Variants in DNAH6 observed in about 807,000 individuals in gnomAD.
The protein encoded by DNAH6 is dynein axonemal heavy chain 6, also known as axonemal beta dynein heavy chain 6.
In DNAH6, 340 loss-of-function variants were observed where a neutral mutation model predicts 491.4. The observed-to-expected ratio is 0.69, with a 90% confidence interval of 0.63 to 0.76. The LOEUF (loss-of-function observed/expected upper bound fraction) is 0.76. Among genes scored for constraint, DNAH6 ranks in the 30% least tolerant of loss-of-function variants. The pLI, the probability that DNAH6 is intolerant of heterozygous loss-of-function variation, is 0.00. For synonymous variants in DNAH6, 1,603 were observed against 1,686.1 expected, an observed-to-expected ratio of 0.95 and a Z score of 1.21; for missense variants, 4,443 against 4,972.2, an observed-to-expected ratio of 0.89 and a Z score of 3.20.
chr2:84,689,235 A>AT (rs1212909255), intron 45 of DNAH6, among the ~76,000 whole-genome samples: 1 of 152,248 alleles, frequency 6.6e-6, no homozygotes, highest in Non-Finnish European at 1.5e-5. Flanking sequence ...GTATGAAACC[A>AT]TGATATGGAG....
chr2:84,726,543 C>G (rs1313727660), intron 60 of DNAH6, among the ~76,000 whole-genome samples: 3 of 152,056 alleles, frequency 2.0e-5, no homozygotes, highest in African/African-American at 7.2e-5. Flanking sequence ...GACAAAAAAC[C>G]AAACACTGCA....
At chr2:84,664,535 A>G (rs1431437295) in intron 37 of DNAH6, among the ~76,000 whole-genome samples, 1 of 152,230 alleles carries the variant, frequency 6.6e-6, no homozygotes, top group East Asian at 1.9e-4. Context: ...GGATCAATTC[A>G]ACAAGAAGAG....
chr2:84,480,097 A>G, the DNAH6 span, among the ~76,000 whole-genome samples: 2 of 152,230 alleles, frequency 1.3e-5, no homozygotes, highest in African/African-American at 4.8e-5. Flanking sequence ...GAGTTATTCT[A>G]TACAAAGATG....
At chr2:84,672,937 A>AT (rs1311004328) in intron 40 of DNAH6, among the ~76,000 whole-genome samples, 1 of 152,132 alleles carries the variant, frequency 6.6e-6, no homozygotes, top group Admixed American at 6.5e-5. Flanking sequence ...AATTCAGTGT[A>AT]TTCAGTCTAT....
the DNAH6 span, among the ~76,000 whole-genome samples, chr2:84,497,623 T>G: frequency 6.6e-6 from 1 of 152,198 alleles, no homozygotes; most frequent in African/African-American, 2.4e-5. Context: ...TGCCGTAGGA[T>G]TCTCTGTCAT....
intron 36 of DNAH6, among the ~76,000 whole-genome samples, chr2:84,658,800 T>C (rs1223733665): frequency 6.6e-6 from 1 of 152,094 alleles, no homozygotes; most frequent in African/African-American, 2.4e-5. Context: ...GGACTTTTTT[T>C]CCCTACATAT....
intron 62 of DNAH6, among the ~76,000 whole-genome samples, chr2:84,741,320 A>G (rs1224135854): frequency 2.6e-5 from 4 of 152,160 alleles, no homozygotes; most frequent in Admixed American, 1.3e-4. Flanking sequence ...GGCAGGCAGC[A>G]TGATCAAGAA....
At chr2:84,727,468 G>C (rs1698742933) in intron 60 of DNAH6, among the ~76,000 whole-genome samples, 1 of 152,066 alleles carries the variant, frequency 6.6e-6, no homozygotes, top group African/African-American at 2.4e-5. Context: ...ATGCAAGATT[G>C]TTCATAATTC....
chr2:84,791,697 T>C (rs1228722264), intron 68 of DNAH6, among the ~76,000 whole-genome samples: 1 of 150,378 alleles, frequency 6.6e-6, no homozygotes, highest in Admixed American at 6.6e-5. Flanking sequence ...CAATATATAT[T>C]CTTTTATATA....
chr2:84,766,428 G>A (rs571303570), intron 64 of DNAH6, among the ~76,000 whole-genome samples: 9 of 152,226 alleles, frequency 5.9e-5, no homozygotes, highest in African/African-American at 2.2e-4. Flanking sequence ...GCACATCCAT[G>A]TGTTAAAGGG....
At chr2:84,622,378 G>A (rs1687479693) in intron 26 of DNAH6, among the ~76,000 whole-genome samples, 1 of 151,890 alleles carries the variant, frequency 6.6e-6, no homozygotes, top group African/African-American at 2.4e-5. Flanking sequence ...TGCCCAGGCT[G>A]GAGTGCAGGG....
chr2:84,745,058 CT>C (rs1053871550), intron 62 of DNAH6, 21 bp from the exon 63 acceptor site: 9 of 1,399,172 alleles, frequency 6.4e-6, no homozygotes, highest in Non-Finnish European at 8.6e-6. Flanking sequence ...ATTAAATTAT[CT>C]TTTTTAAATT....
At chr2:84,688,211 C>G (rs1694470028) in intron 44 of DNAH6, among the ~76,000 whole-genome samples, 1 of 149,708 alleles carries the variant, frequency 6.7e-6, no homozygotes, top group South Asian at 2.1e-4. Flanking sequence ...CCCCACCCAG[C>G]CTGGGCAACA....
chr2:84,587,422 G>A (rs1573117154), intron 15 of DNAH6, among the ~76,000 whole-genome samples: 1 of 152,260 alleles, frequency 6.6e-6, no homozygotes, highest in Non-Finnish European at 1.5e-5. Context: ...ATATCTGCAT[G>A]CAAATCATGC....
At chr2:84,755,408 A>C (rs1220201472) in intron 63 of DNAH6, among the ~76,000 whole-genome samples, 1 of 152,190 alleles carries the variant, frequency 6.6e-6, no homozygotes, top group East Asian at 1.9e-4. Context: ...TAAATTACCC[A>C]GTCTCAAGTA....
At chr2:84,783,747 T>C (rs57381267) in intron 65 of DNAH6, among the ~76,000 whole-genome samples, 8,971 of 152,222 alleles carry the variant, frequency 0.059, 388 homozygotes, top group African/African-American at 0.12. Flanking sequence ...TCCATTCTAG[T>C]TGGGGGGAGA....
At chr2:84,552,848 C>T in intron 9 of DNAH6, 70 bp from the exon 10 acceptor site, 1 of 812,346 alleles carries the variant, frequency 1.2e-6, no homozygotes, top group South Asian at 2.3e-5. Flanking sequence ...TTACATGTCC[C>T]TTGTTTTTTT....
chr2:84,693,996 C>G (rs765430412), intron 45 of DNAH6, among the ~76,000 whole-genome samples: 1 of 152,192 alleles, frequency 6.6e-6, no homozygotes, highest in Non-Finnish European at 1.5e-5. Flanking sequence ...AGAGATTTTA[C>G]TTTATTCTAA....
intron 40 of DNAH6, 58 bp from the exon 41 acceptor site, chr2:84,676,947 T>C (rs1270426718): frequency 7.2e-6 from 11 of 1,535,314 alleles, no homozygotes; most frequent in South Asian, 3.6e-5. Context: ...ACCATTAGGA[T>C]AGGCAGGTCT....
Sources: gnomAD v4.1 joint callset for allele counts (sites outside exome capture counted in the v4.1 genomes callset) on GRCh38, gnomAD v4.1.1 for gene constraint, MANE v1.5 for transcripts, NCBI Gene and HGNC (gene_info 2026-07-23, HGNC 2026-07-21) for gene names.